The following PRKCE variants were observed in gnomAD, a reference collection of about 807,000 sequenced individuals.
PRKCE encodes protein kinase C epsilon type.
PRKCE carries 16 observed loss-of-function variants against 85.4 expected under a neutral mutation model. The observed-to-expected ratio is 0.19, with a 90% confidence interval of 0.13 to 0.28. PRKCE has a LOEUF of 0.28. PRKCE is among the 10% of genes least tolerant of loss of function. The probability of loss-of-function intolerance (pLI) is 1.00; values close to 1 mark genes in which losing one functional copy is unlikely to be tolerated. For missense variants in PRKCE, 573 were observed against 975.2 expected (o/e 0.59, Z 5.49); for synonymous variants, 388 against 371.5 (o/e 1.04, Z -0.51).
intron 6 of PRKCE, among the ~76,000 whole-genome samples, chr2:45,992,305 A>G (rs1399124355): frequency 6.6e-6 from 1 of 152,162 alleles, no homozygotes; most frequent in African/African-American, 2.4e-5. Context: ...GATCTGAGGA[A>G]TGCTGGGTAG....
intron 1 of PRKCE, among the ~76,000 whole-genome samples, chr2:45,681,030 C>T (rs1015373915): frequency 2.6e-5 from 4 of 152,112 alleles, no homozygotes; most frequent in African/African-American, 9.7e-5. Context: ...GTGGCGCACG[C>T]CTGTAATCCC....
intron 1 of PRKCE, among the ~76,000 whole-genome samples, chr2:45,797,770 A>AG (rs1558683188): frequency 1.3e-5 from 2 of 152,176 alleles, no homozygotes; most frequent in African/African-American, 4.8e-5. Context: ...TTCAATTGGG[A>AG]CTACCGTGGT....
At chr2:45,817,817 C>T (rs954996479) in intron 1 of PRKCE, among the ~76,000 whole-genome samples, 3 of 152,196 alleles carry the variant, frequency 2.0e-5, no homozygotes, top group Non-Finnish European at 4.4e-5. Context: ...TGGAATCCTG[C>T]CTTTTAAGGC....
At chr2:45,983,046 C>T (rs1034739323) in intron 5 of PRKCE, among the ~76,000 whole-genome samples, 2 of 152,222 alleles carry the variant, frequency 1.3e-5, no homozygotes, top group Non-Finnish European at 2.9e-5. Flanking sequence ...CATTCACAAA[C>T]AGGCACACCT....
intron 2 of PRKCE, among the ~76,000 whole-genome samples, chr2:45,898,729 G>A (rs1427376587): frequency 6.6e-6 from 1 of 152,192 alleles, no homozygotes; most frequent in Non-Finnish European, 1.5e-5. Context: ...GAGGAGTAGA[G>A]AGAGGGATTT....
chr2:45,685,744 G>A (rs1168944335), intron 1 of PRKCE: 1 of 152,310 alleles, frequency 6.6e-6, no homozygotes, highest in Non-Finnish European at 1.5e-5. Flanking sequence ...CAGCTTTTAA[G>A]GGGGTAGAAT....
At chr2:45,939,258 A>G (rs569833150) in intron 2 of PRKCE, among the ~76,000 whole-genome samples, 1 of 152,334 alleles carries the variant, frequency 6.6e-6, no homozygotes, top group South Asian at 2.1e-4. Context: ...GACCTTAGGC[A>G]TTTATTTTGG....
chr2:45,983,021 G>C (rs1181138694), intron 5 of PRKCE, among the ~76,000 whole-genome samples: 1 of 152,226 alleles, frequency 6.6e-6, no homozygotes, highest in African/African-American at 2.4e-5. Flanking sequence ...GACCATGGCA[G>C]AGTCAACATG....
chr2:45,832,473 C>T (rs1690510978), intron 1 of PRKCE, among the ~76,000 whole-genome samples: 2 of 152,100 alleles, frequency 1.3e-5, no homozygotes, highest in South Asian at 4.1e-4. Context: ...CCACCATGCC[C>T]AGCTAATTTT....
At chr2:45,995,478 T>C (rs1574157724) in intron 6 of PRKCE, among the ~76,000 whole-genome samples, 1 of 152,208 alleles carries the variant, frequency 6.6e-6, no homozygotes, top group East Asian at 1.9e-4. Flanking sequence ...AGTTTCATAG[T>C]TTTGCCTTTT....
chr2:45,680,189 A>G (rs1439507377), intron 1 of PRKCE, among the ~76,000 whole-genome samples: 1 of 152,222 alleles, frequency 6.6e-6, no homozygotes, highest in Non-Finnish European at 1.5e-5. Context: ...ATGGTTTGAT[A>G]TTGGTGTTCT....
intron 8 of PRKCE, among the ~76,000 whole-genome samples, chr2:46,005,736 A>G (rs1233038727): frequency 6.6e-6 from 1 of 152,186 alleles, no homozygotes; most frequent in Non-Finnish European, 1.5e-5. Flanking sequence ...CTGAGGCCAC[A>G]GAATAATTGG....
At chr2:45,789,503 G>T (rs1686869913) in intron 1 of PRKCE, among the ~76,000 whole-genome samples, 1 of 152,190 alleles carries the variant, frequency 6.6e-6, no homozygotes, top group African/African-American at 2.4e-5. Flanking sequence ...CATAGCTCCT[G>T]CCTGTGGTCC....
At chr2:45,899,113 G>A (rs1202956654) in intron 2 of PRKCE, among the ~76,000 whole-genome samples, 2 of 152,228 alleles carry the variant, frequency 1.3e-5, no homozygotes, top group African/African-American at 4.8e-5. Flanking sequence ...GAAGACTGCA[G>A]CCGTTTTGAG....
At chr2:45,752,923 C>G (rs760138646) in intron 1 of PRKCE, among the ~76,000 whole-genome samples, 1 of 152,046 alleles carries the variant, frequency 6.6e-6, no homozygotes, top group Non-Finnish European at 1.5e-5. Context: ...GATGGGGCAC[C>G]GGCTGTTAAT....
At chr2:45,669,985 T>C (rs1336796698) in intron 1 of PRKCE, among the ~76,000 whole-genome samples, 1 of 152,214 alleles carries the variant, frequency 6.6e-6, no homozygotes, top group Non-Finnish European at 1.5e-5. Context: ...CACTCCAGCC[T>C]GGGCAACAGA....
chr2:46,170,405 A>G (rs568624808), intron 14 of PRKCE, among the ~76,000 whole-genome samples: 3 of 152,370 alleles, frequency 2.0e-5, no homozygotes, highest in Non-Finnish European at 2.9e-5. Context: ...AAGTAGAGCA[A>G]ATCATTGAAT....
chr2:46,083,200 C>T (rs1195775337), intron 10 of PRKCE, among the ~76,000 whole-genome samples: 3 of 152,196 alleles, frequency 2.0e-5, no homozygotes. Flanking sequence ...ATCTGCCTAC[C>T]TCAGTCTCCC....
In PRKCE at chr2:45,918,945, C is replaced by T. The variant is rs566099619; in HGVS notation, c.413-57484C>T. 2.0e-5 allele frequency among the ~76,000 whole-genome samples: 3 copies of T among 152,312 alleles called. No individual in the cohort carries two copies. In the East Asian group the frequency reaches 5.8e-4, roughly 29 times the overall value. On this transcript the variant is annotated intron_variant, in intron 2 of 14. Transcript: ENST00000306156. ...TTCATTCCCCTTTGCTGTCACACAC[C>T]CCTCCTCTTCAGGGAGAGCTGGCAT...
Sources: allele counts gnomAD v4.1 joint callset (sites outside exome capture counted in the v4.1 genomes callset), GRCh38; gene constraint gnomAD v4.1.1; transcripts MANE v1.5; gene names NCBI Gene and HGNC (gene_info 2026-07-23, HGNC 2026-07-21).